The following PALM2AKAP2 variants were observed in gnomAD, a reference collection of about 807,000 sequenced individuals.
PALM2AKAP2 encodes the protein PALM2 and AKAP2 fusion.
In PALM2AKAP2, 37 loss-of-function variants were observed where a neutral mutation model predicts 71.5. That is an observed-to-expected ratio of 0.52 (90% CI 0.40 to 0.68). The LOEUF (loss-of-function observed/expected upper bound fraction) is 0.68. PALM2AKAP2 is among the 30% of genes least tolerant of loss of function. PALM2AKAP2 has a pLI of 0.00. For synonymous variants in PALM2AKAP2, 468 were observed against 478.8 expected, an observed-to-expected ratio of 0.98 and a Z score of 0.29; for missense variants, 1,224 against 1,191.8, an observed-to-expected ratio of 1.03 and a Z score of -0.40.
intron 1 of PALM2AKAP2, among the ~76,000 whole-genome samples, chr9:109,727,460 T>C (rs960994943): frequency 3.3e-4 from 43 of 130,180 alleles, no homozygotes; most frequent in Admixed American, 3.3e-3. Flanking sequence ...ATTTCTAAGT[T>C]CCATTAACAA....
intron 6 of PALM2AKAP2, among the ~76,000 whole-genome samples, chr9:109,967,406 C>T (rs1016469867): frequency 6.7e-6 from 1 of 150,282 alleles, no homozygotes; most frequent in Non-Finnish European, 1.5e-5. Context: ...AGTGAGACTC[C>T]GTGTCTTTTT....
chr9:109,994,556 C>T (rs916134269), intron 6 of PALM2AKAP2, among the ~76,000 whole-genome samples: 6 of 152,144 alleles, frequency 3.9e-5, no homozygotes, highest in Admixed American at 2.6e-4. Context: ...GACTCAAACC[C>T]TCTAAACAAA....
intron 1 of PALM2AKAP2, among the ~76,000 whole-genome samples, chr9:109,855,356 A>G (rs1829135573): frequency 6.6e-6 from 1 of 152,224 alleles, no homozygotes; most frequent in Non-Finnish European, 1.5e-5. Flanking sequence ...TACAGGCATG[A>G]GCCACTGCTC....
chr9:110,073,159 T>C (rs974834412), intron 1 of PALM2AKAP2, among the ~76,000 whole-genome samples: 11 of 152,222 alleles, frequency 7.2e-5, no homozygotes, highest in Non-Finnish European at 1.0e-4. Context: ...AAACACAGAA[T>C]GAGTCTTTAG....
intron 1 of PALM2AKAP2, among the ~76,000 whole-genome samples, chr9:109,649,921 G>A (rs1827202601): frequency 6.6e-6 from 1 of 152,218 alleles, no homozygotes; most frequent in Non-Finnish European, 1.5e-5. Context: ...TTGCGGGAGG[G>A]TAGACAGATT....
rs572701937 is a variant in PALM2AKAP2, at chr9:110,132,539, A to G, written c.157-3588A>G. 8.1e-4 allele frequency among the ~76,000 whole-genome samples: 123 copies of G among 152,144 alleles called. 2 individuals are homozygous for G. Among genetic ancestry groups the G allele is most frequent in the Non-Finnish European group, 1.6e-4 (11 of 68,010 alleles). ...GAGACAGGGTTTCACCATGTTGGTC[A>G]GGCTGGTCTCAAACTCCTGACCTCA... On this transcript the variant is annotated intron_variant, in intron 1 of 3. Coordinates refer to ENST00000374525, the Ensembl canonical transcript of PALM2AKAP2.
intron 6 of PALM2AKAP2, among the ~76,000 whole-genome samples, chr9:110,003,602 G>C (rs10816916): frequency 6.6e-6 from 1 of 151,858 alleles, no homozygotes. Context: ...TTTCTGTCTC[G>C]TTGATCTGTC....
intron 1 of PALM2AKAP2, among the ~76,000 whole-genome samples, chr9:109,802,976 T>A (rs898518125): frequency 6.6e-6 from 1 of 152,226 alleles, no homozygotes; most frequent in Non-Finnish European, 1.5e-5. Flanking sequence ...GCCAGTCTCT[T>A]AGCCTCATCA....
intron 6 of PALM2AKAP2, among the ~76,000 whole-genome samples, chr9:109,980,545 G>A (rs1489524975): frequency 6.6e-6 from 1 of 152,118 alleles, no homozygotes; most frequent in African/African-American, 2.4e-5. Context: ...GTGCATGTTG[G>A]CCTCCAAAAG....
chr9:110,087,625 A>G (rs943670091), intron 1 of PALM2AKAP2, among the ~76,000 whole-genome samples: 5 of 152,190 alleles, frequency 3.3e-5, no homozygotes, highest in African/African-American at 1.2e-4. Context: ...TTCTGACTTT[A>G]AAAAAGCCAT....
intron 1 of PALM2AKAP2, among the ~76,000 whole-genome samples, chr9:109,791,658 T>C (rs964002973): frequency 6.6e-6 from 1 of 151,798 alleles, no homozygotes; most frequent in African/African-American, 2.4e-5. Flanking sequence ...GTTAGGGGGG[T>C]GAGATCTCAG....
At chr9:110,106,185 G>T (rs544694072) in intron 1 of PALM2AKAP2, among the ~76,000 whole-genome samples, 1 of 152,244 alleles carries the variant, frequency 6.6e-6, no homozygotes, top group Non-Finnish European at 1.5e-5. Context: ...GGAAAACCTT[G>T]GGCCCATCAG....
chr9:109,949,513 T>C (rs1831587198), intron 6 of PALM2AKAP2, among the ~76,000 whole-genome samples: 1 of 152,218 alleles, frequency 6.6e-6, no homozygotes, highest in African/African-American at 2.4e-5. Context: ...GAAATCTATA[T>C]ACATTATGGA....
intron 3 of PALM2AKAP2, among the ~76,000 whole-genome samples, chr9:110,159,150 G>A (rs563953319): frequency 1.8e-3 from 278 of 152,274 alleles, no homozygotes; most frequent in African/African-American, 6.3e-3. Context: ...TTGCTGGGGG[G>A]ATGAGTTGTG....
intron 1 of PALM2AKAP2, among the ~76,000 whole-genome samples, chr9:109,726,952 T>C (rs12337119): frequency 0.028 from 4,202 of 152,278 alleles, 190 homozygotes; most frequent in African/African-American, 0.095. Context: ...GAAAGTTCCA[T>C]TGGACAGGAC....
intron 1 of PALM2AKAP2, among the ~76,000 whole-genome samples, chr9:109,676,737 T>C (rs1827653962): frequency 6.6e-6 from 1 of 152,012 alleles, no homozygotes; most frequent in Non-Finnish European, 1.5e-5. Flanking sequence ...GAAAGAGAGA[T>C]GGAAACAAGT....
intron 6 of PALM2AKAP2, among the ~76,000 whole-genome samples, chr9:109,994,372 C>G (rs1014921330): frequency 4.6e-5 from 7 of 152,198 alleles, no homozygotes; most frequent in African/African-American, 1.7e-4. Context: ...TGTAGTGGGT[C>G]CAGCCAAACT....
chr9:110,122,095 T>C (rs529803131), intron 1 of PALM2AKAP2, among the ~76,000 whole-genome samples: 3 of 152,346 alleles, frequency 2.0e-5, no homozygotes, highest in Admixed American at 6.5e-5. Flanking sequence ...TTTTCTTTTT[T>C]GATCATGGCT....
chr9:109,885,339 A>G (rs1235837899), intron 3 of PALM2AKAP2, among the ~76,000 whole-genome samples: 1 of 152,222 alleles, frequency 6.6e-6, no homozygotes, highest in Non-Finnish European at 1.5e-5. Flanking sequence ...TAACTAGAAT[A>G]TTAAACCCTG....
Sources: allele counts gnomAD v4.1 joint callset (sites outside exome capture counted in the v4.1 genomes callset), GRCh38; gene constraint gnomAD v4.1.1; transcripts MANE v1.5; gene names NCBI Gene and HGNC (gene_info 2026-07-23, HGNC 2026-07-21).